SEMA5A: variants seen among roughly 807,000 people sequenced by gnomAD.
SEMA5A encodes the protein semaphorin-5A.
In SEMA5A, 55 loss-of-function variants were observed where a neutral mutation model predicts 135.5. The observed-to-expected ratio is 0.41, with a 90% CI of 0.33 to 0.51. SEMA5A has a LOEUF of 0.51. Among genes scored for constraint, SEMA5A ranks in the 20% least tolerant of loss-of-function variants. The pLI, the probability that SEMA5A is intolerant of heterozygous loss-of-function variation, is 0.37. For missense variants in SEMA5A, 1,290 were observed against 1,419.9 expected (o/e 0.91, Z 1.47); for synonymous variants, 580 against 546.5 (o/e 1.06, Z -0.85).
chr5:9,141,985 A>C (rs903500566), intron 12 of SEMA5A, among the ~76,000 whole-genome samples: 2 of 152,222 alleles, frequency 1.3e-5, no homozygotes, highest in Non-Finnish European at 2.9e-5. Context: ...AAAGTGTTTC[A>C]ATCATGTATC....
chr5:9,343,911 T>A (rs1425385078), intron 3 of SEMA5A, among the ~76,000 whole-genome samples: 1 of 152,160 alleles, frequency 6.6e-6, no homozygotes, highest in African/African-American at 2.4e-5. Flanking sequence ...ATAAGATACA[T>A]CAGGCTTTCA....
chr5:9,080,392 C>T (rs560927338), intron 16 of SEMA5A, among the ~76,000 whole-genome samples: 15 of 151,956 alleles, frequency 9.9e-5, no homozygotes, highest in South Asian at 4.2e-4. Context: ...ACAGGGGAGC[C>T]GGTTGGGGGT....
At chr5:9,330,589 C>T (rs1753089062) in intron 4 of SEMA5A, among the ~76,000 whole-genome samples, 1 of 152,054 alleles carries the variant, frequency 6.6e-6, no homozygotes, top group Non-Finnish European at 1.5e-5. Context: ...TAATTTTGAA[C>T]AAATGTCCTA....
In SEMA5A at chr5:9,458,036, T is replaced by C. The variant is rs1055508731; in HGVS notation, c.-174-20184A>G. On this transcript the variant is annotated intron_variant, in intron 1 of 22. Coordinates refer to ENST00000382496, the MANE Select transcript of SEMA5A (RefSeq NM_003966.3). ...CATTCTCCTGCCTCAGCCTCCCCAG[T>C]AGCTGGGACTACAGCCACCCGCCAA... Among the ~76,000 whole-genome samples, 50 of 151,220 alleles carry C rather than the reference T, an allele frequency of 3.3e-4. 1 individual carries two copies. Among genetic ancestry groups the C allele is most frequent in the African/African-American group, 1.2e-3 (49 of 41,250 alleles).
At chr5:9,190,168 C>T (rs981353672) in intron 11 of SEMA5A, 99 bp downstream of exon 11, 9 of 1,279,322 alleles carry the variant, frequency 7.0e-6, no homozygotes, top group Admixed American at 4.1e-5. Flanking sequence ...AGACATCAGG[C>T]GTAAAGCTTG....
At chr5:9,380,142 T>G (rs774278264) in intron 2 of SEMA5A, 119 bp from the exon 3 acceptor site, 31 of 657,714 alleles carry the variant, frequency 4.7e-5, no homozygotes, top group Non-Finnish European at 7.0e-5. Context: ...GAGGAGAGCT[T>G]GGAGGGCTTA....
intron 3 of SEMA5A, among the ~76,000 whole-genome samples, chr5:9,375,305 C>A (rs1036353897): frequency 1.3e-5 from 2 of 152,030 alleles, no homozygotes; most frequent in East Asian, 3.9e-4. Flanking sequence ...AAGATGAGGT[C>A]GTACTGGATT....
At position 9,379,854 on chromosome 5, in the gene SEMA5A, C is replaced by T; in HGVS notation, c.93G>A (p.Gln31=). 6.2e-7 allele frequency: 1 copy of T among 1,614,050 alleles called. No homozygotes were observed. The change falls in exon 3 of 23, where the codon CAG becomes CAA. Residue 31 remains glutamine (Q), a synonymous_variant. Coordinates refer to ENST00000382496, the MANE Select transcript of SEMA5A (RefSeq NM_003966.3). The stretch of plus-strand genomic sequence containing the variant: ...AGGAGATGACTGGATGCTCGGTTCT[C>T]TGGCACTGAGTCGTACCCTGGGCCT... The part of the protein sequence containing the change: ...HPEAQGTTQC[Q]RTEHPVISYK...
chr5:9,040,192 AAAG>A lies in SEMA5A; in HGVS notation c.*2702_*2704del, dbSNP rs1433937542. On this transcript the variant is annotated 3_prime_UTR_variant, in exon 23 of 23. Coordinates refer to ENST00000382496, the MANE Select transcript of SEMA5A (RefSeq NM_003966.3). ...TAAAGAAAGAAGAAAGGAAAGAAGA[AAAG>A]AAGGCAGGAAGGAAGAACAAAAGGA... The A allele has an allele frequency of 3.3e-5, 5 of 152,268 alleles. No individual in the cohort carries two copies. Among genetic ancestry groups the A allele is most frequent in the East Asian group, 3.8e-4 (2 of 5,200 alleles). 9.4% of individuals were successfully genotyped at this position (152,268 alleles called of 1,614,324 possible).
intron 1 of SEMA5A, among the ~76,000 whole-genome samples, chr5:9,467,736 G>C (rs1254708652): frequency 6.6e-6 from 1 of 152,166 alleles, no homozygotes; most frequent in African/African-American, 2.4e-5. Flanking sequence ...GTGGGAGCCG[G>C]GGTGGGTGGA....
chr5:9,469,301 C>G (rs1194650486), intron 1 of SEMA5A, among the ~76,000 whole-genome samples: 1 of 152,182 alleles, frequency 6.6e-6, no homozygotes, highest in Non-Finnish European at 1.5e-5. Context: ...GCCACCACAC[C>G]CGGCCAGCAA....
chr5:9,544,166 A>G (rs17263150), intron 1 of SEMA5A, among the ~76,000 whole-genome samples: 14,641 of 152,090 alleles, frequency 0.096, 951 homozygotes, highest in Non-Finnish European at 0.14. Flanking sequence ...TTCCAAACTC[A>G]GCCATTATGA....
intron 11 of SEMA5A, among the ~76,000 whole-genome samples, chr5:9,161,328 G>A (rs897430317): frequency 4.6e-5 from 7 of 152,128 alleles, no homozygotes; most frequent in Non-Finnish European, 8.8e-5. Flanking sequence ...GGTAGGAACC[G>A]AAAGGGTTTA....
At chr5:9,228,339 C>T (rs1747432846) in intron 6 of SEMA5A, among the ~76,000 whole-genome samples, 1 of 152,136 alleles carries the variant, frequency 6.6e-6, no homozygotes, top group Admixed American at 6.5e-5. Context: ...TTGGACTTTA[C>T]TGAGCAAAGG....
chr5:9,164,780 G>T (rs1214011635), intron 11 of SEMA5A, among the ~76,000 whole-genome samples: 1 of 152,088 alleles, frequency 6.6e-6, no homozygotes, highest in Non-Finnish European at 1.5e-5. Flanking sequence ...TAAAGAAAAG[G>T]TCTCTGATTA....
Position 9,039,242 on chromosome 5 carries a change from T to C in SEMA5A, c.*3655A>G. 6.6e-6 allele frequency: 1 copy of C among 152,300 alleles called. No homozygotes were observed. The highest frequency in any genetic ancestry group is 2.4e-5 in the African/African-American group (1 of 41,576). The allele number at this position is 152,300 out of a possible 1,614,324, so 9.4% of individuals were successfully genotyped here. A position where few individuals can be genotyped will look rare whatever the true frequency, so the allele number is the denominator to read the frequency against. On this transcript the variant is annotated 3_prime_UTR_variant, in exon 23 of 23. Coordinates refer to ENST00000382496, the MANE Select transcript of SEMA5A (RefSeq NM_003966.3). ...ATGGACCTGTGAAGTGGGCAACCGT[T>C]TCCGGGAACTGTCCATAGCACTTGC...
At position 9,287,499 on chromosome 5, in the gene SEMA5A, A is replaced by G. The variant is rs1007809899; in HGVS notation, c.270+30873T>C. On this transcript the variant is annotated intron_variant, in intron 5 of 22. Transcript: ENST00000382496. ...TTTAAATAATAATTTAAATGTCAAA[A>G]ATATTTTAATCTTATCCATTGCAAG... 2.0e-5 allele frequency among the ~76,000 whole-genome samples: 3 copies of G among 152,222 alleles called. No individual in the cohort carries two copies. In the East Asian group the frequency reaches 5.8e-4, roughly 29 times the overall value.
At chr5:9,195,990 G>T (rs914249395) in intron 10 of SEMA5A, among the ~76,000 whole-genome samples, 2 of 152,238 alleles carry the variant, frequency 1.3e-5, no homozygotes, top group African/African-American at 4.8e-5. Context: ...CAGGTGATCT[G>T]CCCCAGGCCC....
intron 5 of SEMA5A, among the ~76,000 whole-genome samples, chr5:9,310,823 A>T (rs1752093395): frequency 7.4e-6 from 1 of 135,982 alleles, no homozygotes; most frequent in African/African-American, 2.5e-5. Context: ...ATATGAACAC[A>T]CATATGTATA....
Sources: allele counts gnomAD v4.1 joint callset (sites outside exome capture counted in the v4.1 genomes callset), GRCh38; gene constraint gnomAD v4.1.1; transcripts MANE v1.5; gene names NCBI Gene and HGNC (gene_info 2026-07-23, HGNC 2026-07-21).